The following ZBTB40 variants were observed in gnomAD, a reference collection of about 807,000 sequenced individuals.
The protein encoded by ZBTB40 is zinc finger and BTB domain-containing protein 40.
In ZBTB40, 60 loss-of-function variants were observed where a neutral mutation model predicts 117.5. The ratio of observed to expected loss-of-function variants is 0.51; its 90% CI spans 0.41 to 0.63. ZBTB40 has a LOEUF of 0.63. Ranked by LOEUF, ZBTB40 falls within the 30% of genes least tolerant of loss-of-function variation. The probability of loss-of-function intolerance (pLI) is 0.00; values close to 1 mark genes in which losing one functional copy is unlikely to be tolerated. For missense variants in ZBTB40, 1,287 were observed against 1,498.5 expected (o/e 0.86, Z 2.33); for synonymous variants, 525 against 577.1 (o/e 0.91, Z 1.29).
chr1:22,491,630 ATGTT>A, intron 3 of ZBTB40, 97 bp downstream of exon 3: 1 of 1,372,408 alleles, frequency 7.3e-7, no homozygotes, highest in Non-Finnish European at 1.0e-6. Flanking sequence ...CAGGGTTTCA[ATGTT>A]TTGAAACTTT....
intron 1 of ZBTB40, among the ~76,000 whole-genome samples, chr1:22,462,080 C>G (rs560456069): frequency 6.6e-6 from 1 of 152,284 alleles, no homozygotes; most frequent in East Asian, 1.9e-4. Context: ...GGCTCTACAT[C>G]TCCATTATCT....
chr1:22,455,503 G>A (rs180871412), intron 1 of ZBTB40, among the ~76,000 whole-genome samples: 17 of 152,310 alleles, frequency 1.1e-4, no homozygotes, highest in African/African-American at 4.1e-4. Flanking sequence ...TGCAAACGGA[G>A]CAAAGAACTG....
chr1:22,500,477 A>G (rs554058805), intron 3 of ZBTB40, among the ~76,000 whole-genome samples: 1 of 152,374 alleles, frequency 6.6e-6, no homozygotes, highest in Admixed American at 6.5e-5. Context: ...AGGAGAAAAA[A>G]ATAAAAGATT....
At chr1:22,478,858 T>G (rs1437193450) in intron 1 of ZBTB40, among the ~76,000 whole-genome samples, 2 of 152,208 alleles carry the variant, frequency 1.3e-5, no homozygotes, top group Non-Finnish European at 2.9e-5. Flanking sequence ...TTGACAAATA[T>G]CTACTCTTGT....
intron 9 of ZBTB40, 31 bp downstream of exon 9, chr1:22,509,264 A>C (rs766332871): frequency 6.2e-7 from 1 of 1,613,794 alleles, no homozygotes; most frequent in African/African-American, 1.3e-5. Context: ...GAAATGCCAG[A>C]GAGTTTTACA....
Position 22,524,291 on chromosome 1 carries a change from C to T in ZBTB40, c.3372C>T (p.Thr1124=), listed in dbSNP as rs141247754. ...RFPGALQHHV[T]TEHFKQSETT... is the part of the protein sequence containing the mutation. ...CTGGAGCATTGCAGCACCATGTCAC[C>T]ACGGAGCACTTCAAGCAGTCAGAGA... Residue 1124 remains threonine, a synonymous_variant, in exon 17 of 18, where the codon ACC becomes ACT. Transcript: ENST00000375647. The T allele has an allele frequency of 4.3e-6, 7 of 1,614,182 alleles. No homozygotes were observed. The African/African-American group carries it at 8.0e-5, about 18-fold the overall frequency.
chr1:22,439,803 T>G (rs1640711072), intron 1 of ZBTB40, among the ~76,000 whole-genome samples: 2 of 152,238 alleles, frequency 1.3e-5, no homozygotes, highest in Non-Finnish European at 2.9e-5. Context: ...TAAGATTGTT[T>G]TGGCTATTTG....
intron 1 of ZBTB40, among the ~76,000 whole-genome samples, chr1:22,431,325 GTATATA>G (rs57235119): frequency 2.2e-5 from 2 of 90,216 alleles, no homozygotes; most frequent in South Asian, 6.6e-4. Flanking sequence ...TATTTATATT[GTATATA>G]TATATTATAT....
At chr1:22,515,342 G>A (rs1242245818) in intron 12 of ZBTB40, among the ~76,000 whole-genome samples, 2 of 152,202 alleles carry the variant, frequency 1.3e-5, no homozygotes, top group African/African-American at 2.4e-5. Flanking sequence ...AGGACTTTTG[G>A]TTTTTATGTG....
intron 12 of ZBTB40, among the ~76,000 whole-genome samples, chr1:22,514,179 G>A (rs1639317018): frequency 6.6e-6 from 1 of 152,200 alleles, no homozygotes; most frequent in Admixed American, 6.5e-5. Context: ...TACATTGTCA[G>A]GGAAGGCTTT....
rs752184234 is a variant in ZBTB40, at chr1:22,512,058, C to G, written c.2385C>G (p.Pro795=). Reference sequence around the variant, plus strand: ...AGGCCCATGGTGCAGGTGGAGAGCCCGATGCCCCCAAGAAGAAGAAGAAGA... The same window carrying G: ...AGGCCCATGGTGCAGGTGGAGAGCCGGATGCCCCCAAGAAGAAGAAGAAGA... ...QLEAHGAGGE[P]DAPKKKKKRL... Residue 795 remains proline (P), a synonymous_variant, in exon 11 of 18, where the codon CCC becomes CCG. Transcript: ENST00000375647. 13 of 1,613,986 alleles carry G rather than the reference C, an allele frequency of 8.1e-6. No homozygotes were observed. The highest frequency in any genetic ancestry group is 1.0e-5 in the Non-Finnish European group (12 of 1,180,030).
At chr1:22,524,535 C>T in intron 17 of ZBTB40, 91 bp downstream of exon 17, 1 of 1,342,752 alleles carries the variant, frequency 7.4e-7, no homozygotes, top group Non-Finnish European at 1.0e-6. Flanking sequence ...CCCAGAGATA[C>T]TCTTTGGGGA....
rs780112220 is a variant in ZBTB40 at position 22,512,088 on chromosome 1, T to A, written c.2415T>A (p.Leu805=). Residue 805 remains leucine, a synonymous_variant, in exon 11 of 18, where the codon CTT becomes CTA. Coordinates refer to ENST00000375647, the MANE Select transcript of ZBTB40 (RefSeq NM_014870.4). ...PDAPKKKKKR[L]PVTCDLCGRE... ...CCCCCAAGAAGAAGAAGAAGAGGCT[T>A]CCAGTGACATGTGACCTCTGTGGCA... 6.2e-7 allele frequency: 1 copy of A among 1,613,712 alleles called. No individual in the cohort carries two copies. The highest frequency in any genetic ancestry group is 8.5e-7 in the Non-Finnish European group (1 of 1,180,022).
intron 6 of ZBTB40, 51 bp from the exon 7 acceptor site, chr1:22,507,950 G>A: frequency 6.2e-7 from 1 of 1,613,682 alleles, no homozygotes; most frequent in Non-Finnish European, 8.5e-7. Context: ...GGAGTCTTCT[G>A]TAGGAGGTTT....
In ZBTB40 at chr1:22,516,909, T is replaced by C. The variant is rs576845254; in HGVS notation, c.2669-391T>C. ...TCTCTGAATCCACGACTCTCACCTTTGTGCACAGTTGCAGATCCACACTGT... is the reference window on the plus strand; with the variant it reads ...TCTCTGAATCCACGACTCTCACCTTCGTGCACAGTTGCAGATCCACACTGT... On this transcript the variant is annotated intron_variant, in intron 12 of 17. Transcript: ENST00000375647. 2.2e-4 allele frequency among the ~76,000 whole-genome samples: 33 copies of C among 151,954 alleles called. No homozygotes were observed. In the South Asian group the frequency reaches 6.7e-3, roughly 31 times the overall value.
chr1:22,518,619 CA>C (rs1328244943), intron 13 of ZBTB40, among the ~76,000 whole-genome samples: 1 of 152,166 alleles, frequency 6.6e-6, no homozygotes, highest in Non-Finnish European at 1.5e-5. Flanking sequence ...TTTATGTAAA[CA>C]CATCCAAGTC....
intron 3 of ZBTB40, among the ~76,000 whole-genome samples, chr1:22,492,374 A>T (rs2124433188): frequency 6.6e-6 from 1 of 152,274 alleles, no homozygotes; most frequent in East Asian, 1.9e-4. Flanking sequence ...ACGCATTTCC[A>T]CCTGTGTGAT....
At chr1:22,470,869 C>A (rs1271126554) in intron 1 of ZBTB40, among the ~76,000 whole-genome samples, 1 of 152,202 alleles carries the variant, frequency 6.6e-6, no homozygotes, top group East Asian at 1.9e-4. Context: ...CACCAGGCTT[C>A]CACTAAATGT....
intron 6 of ZBTB40, 134 bp downstream of exon 6, chr1:22,506,375 T>A: frequency 1.1e-6 from 1 of 927,202 alleles, no homozygotes. Flanking sequence ...AAACTAGCCG[T>A]CATAAATCGA....
Sources: gnomAD v4.1 joint callset for allele counts (sites outside exome capture counted in the v4.1 genomes callset) on GRCh38, gnomAD v4.1.1 for gene constraint, MANE v1.5 for transcripts, NCBI Gene and HGNC (gene_info 2026-07-23, HGNC 2026-07-21) for gene names.